The following TMPRSS15 variants were observed in gnomAD, a reference collection of about 807,000 sequenced individuals.
TMPRSS15 encodes enteropeptidase.
TMPRSS15 carries 128 observed loss-of-function variants against 125.3 expected under a neutral mutation model. That is an observed-to-expected ratio of 1.02 (90% confidence interval 0.89 to 1.18). The LOEUF is 1.18. TMPRSS15 is among the 50% of genes most tolerant of loss of function. The probability of loss-of-function intolerance (pLI) is 0.00; values close to 1 mark genes in which losing one functional copy is unlikely to be tolerated. For synonymous variants in TMPRSS15, 446 were observed against 423.2 expected, an observed-to-expected ratio of 1.05 and a Z score of -0.66; for missense variants, 1,283 against 1,212.7, an observed-to-expected ratio of 1.06 and a Z score of -0.86.
At chr21:18,341,370 G>C in intron 13 of TMPRSS15, 43 bp downstream of exon 13, 1 of 1,612,920 alleles carries the variant, frequency 6.2e-7, no homozygotes, top group Non-Finnish European at 8.5e-7. Context: ...CACACCTGAC[G>C]TTAATGATTT....
chr21:18,395,433 G>A (rs2076025999), intron 3 of TMPRSS15, among the ~76,000 whole-genome samples: 1 of 152,138 alleles, frequency 6.6e-6, no homozygotes, highest in South Asian at 2.1e-4. Context: ...CAAACCCCTA[G>A]TGAGGAAAGC....
Position 18,485,409 on chromosome 21 carries a change from TCTTAATA to T in TMPRSS15, c.10+383_10+389del, listed in dbSNP as rs902643117. Among the ~76,000 whole-genome samples, 9 of 152,028 alleles carry T rather than the reference TCTTAATA, an allele frequency of 5.9e-5. No individual in the cohort carries two copies. In the South Asian group the frequency reaches 6.2e-4, roughly 10 times the overall value. The stretch of plus-strand genomic sequence containing the variant: ...CATCCTTGATGTCATCGGGAAATAC[TCTTAATA>T]CTTAATATTTAGTGTAATATTAACT... On this transcript the variant is annotated intron_variant, in intron 1 of 7. Transcript: ENST00000422787.
intron 16 of TMPRSS15, among the ~76,000 whole-genome samples, chr21:18,324,300 C>A (rs1184620229): frequency 6.6e-6 from 1 of 152,078 alleles, no homozygotes; most frequent in Non-Finnish European, 1.5e-5. Context: ...GTTTCTGTCT[C>A]TCTTTACTTA....
At chr21:18,400,247 G>A (rs1344363830) in intron 1 of TMPRSS15, among the ~76,000 whole-genome samples, 3 of 151,970 alleles carry the variant, frequency 2.0e-5, no homozygotes, top group Non-Finnish European at 4.4e-5. Context: ...TATGGAACTA[G>A]GAAAGAGCCA....
chr21:18,284,121 C>G (rs768416983), intron 21 of TMPRSS15, among the ~76,000 whole-genome samples: 1 of 152,084 alleles, frequency 6.6e-6, no homozygotes, highest in Non-Finnish European at 1.5e-5. Flanking sequence ...TATCTATGAG[C>G]AGCACCATGG....
At chr21:18,345,585 C>CA (rs1189219728) in intron 10 of TMPRSS15, among the ~76,000 whole-genome samples, 15 of 146,652 alleles carry the variant, frequency 1.0e-4, no homozygotes, top group Non-Finnish European at 1.7e-4. Context: ...ACAAAAAATA[C>CA]AAAAAATTAG....
intron 6 of TMPRSS15, among the ~76,000 whole-genome samples, chr21:18,368,996 G>GA (rs1018065201): frequency 6.6e-5 from 10 of 151,970 alleles, no homozygotes; most frequent in African/African-American, 2.4e-4. Context: ...AGGTTTTCAG[G>GA]AAAAAATATA....
chr21:18,390,446 T>C (rs4578944), intron 3 of TMPRSS15, among the ~76,000 whole-genome samples: 2,598 of 152,296 alleles, frequency 0.017, 76 homozygotes, highest in African/African-American at 0.059. Flanking sequence ...CTAAATAATT[T>C]TTCATTCATT....
chr21:18,392,843 T>TG (rs1198983931), intron 3 of TMPRSS15, among the ~76,000 whole-genome samples: 2 of 150,828 alleles, frequency 1.3e-5, no homozygotes, highest in East Asian at 3.9e-4. Context: ...AGAGAGAGAG[T>TG]GGGGGAAACT....
At chr21:18,466,153 C>T (rs1978655721) in intron 1 of TMPRSS15, among the ~76,000 whole-genome samples, 1 of 152,194 alleles carries the variant, frequency 6.6e-6, no homozygotes, top group African/African-American at 2.4e-5. Flanking sequence ...CAAAAACAAG[C>T]AACGAGGAAA....
chr21:18,459,812 C>T (rs538822316), intron 1 of TMPRSS15, among the ~76,000 whole-genome samples: 67 of 152,054 alleles, frequency 4.4e-4, no homozygotes, highest in Admixed American at 8.5e-4. Context: ...TACTTCTCTG[C>T]GAACATGATA....
At chr21:18,443,118 G>A (rs560101638) in intron 1 of TMPRSS15, among the ~76,000 whole-genome samples, 4 of 151,536 alleles carry the variant, frequency 2.6e-5, no homozygotes, top group South Asian at 2.1e-4. Flanking sequence ...AACTAGCCCC[G>A]ATTAAATAGT....
chr21:18,398,295 C>T lies in TMPRSS15; in HGVS notation c.180G>A (p.Ala60=), dbSNP rs140378875. ...TAACTCCGGATGTTATTTTAAATGT[C>T]GCTCTGGCTTCATGACTCTGTCCAA... ...AALGQSHEAR[A]TFKITSGVTY... Residue 60 remains alanine (A), a synonymous_variant, in exon 2 of 25, where the codon GCG becomes GCA. Coordinates refer to ENST00000284885, the MANE Select transcript of TMPRSS15 (RefSeq NM_002772.3). The T allele has an allele frequency of 1.5e-5, 25 of 1,613,682 alleles. No individual in the cohort carries two copies. Among genetic ancestry groups the T allele is most frequent in the Admixed American group, 8.3e-5 (5 of 59,998 alleles).
At chr21:18,432,155 T>G (rs918573550) in intron 1 of TMPRSS15, among the ~76,000 whole-genome samples, 17 of 152,178 alleles carry the variant, frequency 1.1e-4, no homozygotes, top group African/African-American at 4.1e-4. Context: ...CACTTGGGTT[T>G]CTGGATTATC....
rs139329643 is a variant in TMPRSS15 at position 18,415,115 on chromosome 21, T to A, written c.11-16786A>T. 1.3e-3 allele frequency among the ~76,000 whole-genome samples: 204 copies of A among 152,296 alleles called. 1 individual carries two copies. The highest frequency in any genetic ancestry group is 4.6e-3 in the African/African-American group (190 of 41,578). On this transcript the variant is annotated intron_variant, in intron 1 of 7. Coordinates refer to the TMPRSS15 transcript ENST00000422787. ...TGTATTTCCCTGATGATTAGACATT[T>A]TGAGCACTTTTTTACACACCTGCTG...
intron 1 of TMPRSS15, among the ~76,000 whole-genome samples, chr21:18,457,939 G>T (rs912313087): frequency 2.6e-5 from 4 of 152,052 alleles, no homozygotes; most frequent in Admixed American, 2.6e-4. Context: ...TATAATTCTA[G>T]AAAAATGAAC....
At chr21:18,384,116 G>T (rs1973950677) in intron 3 of TMPRSS15, among the ~76,000 whole-genome samples, 1 of 152,042 alleles carries the variant, frequency 6.6e-6, no homozygotes, top group African/African-American at 2.4e-5. Context: ...CACTTACTCT[G>T]ATTTTACTGT....
At chr21:18,370,117 C>G (rs1266952221) in intron 6 of TMPRSS15, among the ~76,000 whole-genome samples, 3 of 151,926 alleles carry the variant, frequency 2.0e-5, no homozygotes, top group African/African-American at 4.8e-5. Flanking sequence ...CGCAGTTTGA[C>G]TATATTTTTA....
At chr21:18,400,063 C>T (rs1488833534) in intron 1 of TMPRSS15, among the ~76,000 whole-genome samples, 3 of 151,944 alleles carry the variant, frequency 2.0e-5, no homozygotes, top group African/African-American at 7.2e-5. Flanking sequence ...CAAAACACTG[C>T]TATAAAAATC....
Sources: allele counts gnomAD v4.1 joint callset (sites outside exome capture counted in the v4.1 genomes callset), GRCh38; gene constraint gnomAD v4.1.1; transcripts MANE v1.5; gene names NCBI Gene and HGNC (gene_info 2026-07-23, HGNC 2026-07-21).